The following P3H2 variants were observed in gnomAD, a reference collection of about 807,000 sequenced individuals.
P3H2 encodes prolyl 3-hydroxylase 2.
In P3H2, 80 loss-of-function variants were observed where a neutral mutation model predicts 87.0. The observed-to-expected ratio is 0.92, with a 90% CI of 0.77 to 1.11. The LOEUF (loss-of-function observed/expected upper bound fraction) is 1.11. Ranked by LOEUF, P3H2 falls within the 50% of genes least tolerant of loss-of-function variation. The pLI is 0.00. For synonymous variants in P3H2, 367 were observed against 359.3 expected (o/e 1.02, Z -0.24); for missense variants, 1,001 against 923.9 (o/e 1.08, Z -1.08).
intron 1 of P3H2, among the ~76,000 whole-genome samples, chr3:190,061,336 C>T (rs192320090): frequency 1.3e-5 from 2 of 152,110 alleles, no homozygotes; most frequent in Admixed American, 1.3e-4. Flanking sequence ...ACACACATTC[C>T]ATTGAAAGGT....
At chr3:190,036,514 G>T (rs560036511) in intron 1 of P3H2, among the ~76,000 whole-genome samples, 68 of 84,160 alleles carry the variant, frequency 8.1e-4, no homozygotes, top group Admixed American at 2.1e-3. Flanking sequence ...ACGTAATCTT[G>T]TGAGATTATT....
chr3:190,039,444 T>C (rs894362022), intron 1 of P3H2, among the ~76,000 whole-genome samples: 3 of 152,234 alleles, frequency 2.0e-5, no homozygotes, highest in African/African-American at 7.2e-5. Flanking sequence ...AAATATAGCA[T>C]GTGTTATCTT....
chr3:190,121,929 TA>T (rs1712618785), upstream of P3H2, among the ~76,000 whole-genome samples: 1 of 151,858 alleles, frequency 6.6e-6, no homozygotes, highest in African/African-American at 2.4e-5. Flanking sequence ...CCGTCTCTAC[TA>T]AAAATACAAA....
chr3:189,995,077 T>C (rs947342029), intron 2 of P3H2, among the ~76,000 whole-genome samples: 58 of 152,198 alleles, frequency 3.8e-4, no homozygotes, highest in African/African-American at 1.3e-3. Flanking sequence ...AGTTTTTTTA[T>C]TTCAACTTTT....
chr3:190,101,388 A>G (rs1711620904), intron 1 of P3H2, among the ~76,000 whole-genome samples: 1 of 150,844 alleles, frequency 6.6e-6, no homozygotes, highest in Non-Finnish European at 1.5e-5. Context: ...AAAAAAAAAA[A>G]AAAAAAGCGA....
rs112648085 is a variant in P3H2, at chr3:190,115,995, G to A, written c.480+4257C>T. Among the ~76,000 whole-genome samples the A allele has an allele frequency of 6.3e-3, 954 of 152,228 alleles. 8 individuals carry two copies. The highest frequency in any genetic ancestry group is 0.022 in the African/African-American group (922 of 41,542). On this transcript the variant is annotated intron_variant, in intron 1 of 14. Coordinates refer to ENST00000319332, the MANE Select transcript of P3H2 (RefSeq NM_018192.4). The stretch of plus-strand genomic sequence containing the variant: ...AAATCTGGGAACCTCTGCTTTAGGA[G>A]ATACAAGAATCACTAAGACAGTTCT...
chr3:190,052,739 A>C (rs866262990), intron 1 of P3H2, among the ~76,000 whole-genome samples: 1 of 151,924 alleles, frequency 6.6e-6, no homozygotes, highest in African/African-American at 2.4e-5. Flanking sequence ...ATATCTATCT[A>C]TCTGTCTTTA....
At chr3:190,121,166 G>A (rs1712572156), upstream of P3H2, 2 of 163,574 alleles carry the variant, frequency 1.2e-5, no homozygotes, top group Non-Finnish European at 2.6e-5. Context: ...AGCTTAGCAA[G>A]GTTAGGGCCT....
intron 14 of P3H2, among the ~76,000 whole-genome samples, chr3:189,963,096 C>G (rs1722864339): frequency 6.6e-6 from 1 of 152,158 alleles, no homozygotes; most frequent in South Asian, 2.1e-4. Context: ...GAAAGTTATT[C>G]CTTGTGTGGA....
chr3:190,034,271 G>A (rs924774613), intron 1 of P3H2, among the ~76,000 whole-genome samples: 1 of 152,064 alleles, frequency 6.6e-6, no homozygotes, highest in Non-Finnish European at 1.5e-5. Context: ...TAATGAGAGA[G>A]ACACCTAAAA....
At chr3:190,014,917 T>A (rs1365723904) in intron 1 of P3H2, among the ~76,000 whole-genome samples, 1 of 152,206 alleles carries the variant, frequency 6.6e-6, no homozygotes, top group Non-Finnish European at 1.5e-5. Flanking sequence ...TTGGCTCTGC[T>A]GGCAACCTGT....
chr3:190,115,368 A>C (rs948482261), intron 1 of P3H2, among the ~76,000 whole-genome samples: 2 of 152,114 alleles, frequency 1.3e-5, no homozygotes, highest in African/African-American at 4.8e-5. Flanking sequence ...TTGAGTAGAA[A>C]AATGAATAAA....
intron 3 of P3H2, among the ~76,000 whole-genome samples, chr3:189,990,995 C>T (rs1723860514): frequency 6.6e-6 from 1 of 152,072 alleles, no homozygotes; most frequent in South Asian, 2.1e-4. Flanking sequence ...TGTTCAGTGG[C>T]CATTGGTGGA....
intron 1 of P3H2, among the ~76,000 whole-genome samples, chr3:190,006,785 G>C (rs573614596): frequency 1.3e-5 from 2 of 152,314 alleles, no homozygotes; most frequent in South Asian, 4.1e-4. Context: ...TAATGTTACA[G>C]CAGAAATGTC....
intron 1 of P3H2, among the ~76,000 whole-genome samples, chr3:190,082,179 CCGGTAGA>C (rs1727065577): frequency 6.6e-6 from 1 of 152,114 alleles, no homozygotes; most frequent in Admixed American, 6.6e-5. Context: ...TCACCTGAAC[CCGGTAGA>C]CGGAAGTTGC....
chr3:190,095,301 A>AAC (rs1185205406), intron 1 of P3H2, among the ~76,000 whole-genome samples: 5 of 80,324 alleles, frequency 6.2e-5, no homozygotes, highest in African/African-American at 9.1e-5. Context: ...ATTGTCTCAA[A>AAC]ACATATATAT....
chr3:190,120,216 C>T (rs1712485889), intron 1 of P3H2, 36 bp downstream of exon 1: 9 of 1,600,224 alleles, frequency 5.6e-6, no homozygotes, highest in Non-Finnish European at 6.8e-6. Flanking sequence ...GTGAGAGCCG[C>T]AGGGGCTTTG....
At chr3:189,997,969 A>G (rs573431817) in intron 1 of P3H2, among the ~76,000 whole-genome samples, 2 of 152,326 alleles carry the variant, frequency 1.3e-5, no homozygotes, top group South Asian at 4.1e-4. Flanking sequence ...AATTTTCCCT[A>G]AAGAAAAAAT....
intron 1 of P3H2, among the ~76,000 whole-genome samples, chr3:190,062,666 G>T (rs1726368989): frequency 6.6e-6 from 1 of 152,018 alleles, no homozygotes; most frequent in Admixed American, 6.6e-5. Context: ...TGGAATCCCA[G>T]CTTACCTTCT....
Sources: gnomAD v4.1 joint callset for allele counts (sites outside exome capture counted in the v4.1 genomes callset) on GRCh38, gnomAD v4.1.1 for gene constraint, MANE v1.5 for transcripts, NCBI Gene and HGNC (gene_info 2026-07-23, HGNC 2026-07-21) for gene names.